Variants in PIP5K1C observed in about 807,000 individuals in gnomAD.
The protein encoded by PIP5K1C is phosphatidylinositol 4-phosphate 5-kinase type-1 gamma.
Under a neutral mutation model 80.1 loss-of-function variants are expected in PIP5K1C, and 45 were observed. The observed-to-expected ratio is 0.56, with a 90% confidence interval of 0.44 to 0.72. The LOEUF is 0.72. PIP5K1C is among the 30% of genes least tolerant of loss of function. The pLI is 0.00. For missense variants in PIP5K1C, 753 were observed against 954.6 expected, an observed-to-expected ratio of 0.79 and a Z score of 2.78; for synonymous variants, 498 against 420.1, an observed-to-expected ratio of 1.19 and a Z score of -2.27.
At position 3,685,784 on chromosome 19, in the gene PIP5K1C, T is replaced by G. The variant is rs371769125; in HGVS notation, c.94+14513A>C. ...TGGCCACACCCATGTGTTCACGAAT[T>G]GTCTGGCTCCTTAAGTGCTACAACC... On this transcript the variant is annotated intron_variant, in intron 1 of 17. Transcript: ENST00000335312. 1.5e-4 allele frequency among the ~76,000 whole-genome samples: 23 copies of G among 152,210 alleles called. No individual in the cohort carries two copies. In the East Asian group the frequency reaches 4.4e-3, roughly 29 times the overall value.
rs748906962 is a variant in PIP5K1C, at chr19:3,653,393, G to A, written c.818C>T (p.Pro273Leu). 1 of 1,613,022 alleles carries A rather than the reference G, an allele frequency of 6.2e-7. No individual in the cohort carries two copies. Among genetic ancestry groups the A allele is most frequent in the South Asian group, 1.1e-5 (1 of 91,090 alleles). Residue 273 changes from proline to leucine, a missense_variant, in exon 7 of 18, where the codon CCC becomes CTC. Physicochemically the swap from Pro to Leu is moderately conservative, Grantham distance 98. Around this residue, in one of 6 missense-constraint regions of PIP5K1C, gnomAD observed 105 missense variants for 133.4 expected, o/e 0.79. Coordinates refer to ENST00000335312, the MANE Select transcript of PIP5K1C (RefSeq NM_012398.3). ...ASKKEKEKSF[P>L]TYKDLDFMQD... ...CATGAAGTCCAGGTCCTTGTAGGTGGGGAAGCTCTTCTCCTTCTCCTTCTT... is the reference window on the plus strand; with the variant it reads ...CATGAAGTCCAGGTCCTTGTAGGTGAGGAAGCTCTTCTCCTTCTCCTTCTT...
intron 1 of PIP5K1C, among the ~76,000 whole-genome samples, chr19:3,671,401 T>C (rs541760156): frequency 6.6e-6 from 1 of 152,306 alleles, no homozygotes; most frequent in South Asian, 2.1e-4. Context: ...CCGTGTTGGG[T>C]GTAGGCCCCC....
chr19:3,682,560 G>A (rs1375148983), intron 1 of PIP5K1C, among the ~76,000 whole-genome samples: 1 of 151,956 alleles, frequency 6.6e-6, no homozygotes, highest in Non-Finnish European at 1.5e-5. Flanking sequence ...GTGGTGACGT[G>A]TGCCTGTAGT....
At chr19:3,645,902 G>T in intron 11 of PIP5K1C, 72 bp downstream of exon 11, 2 of 1,192,130 alleles carry the variant, frequency 1.7e-6, no homozygotes, top group Non-Finnish European at 2.5e-6. Context: ...CTCCCGCAGA[G>T]TCCCTCCTGC....
chr19:3,677,741 TGGGATGGAGGGA>T (rs1354717514), intron 1 of PIP5K1C, among the ~76,000 whole-genome samples: 3 of 57,220 alleles, frequency 5.2e-5, no homozygotes, highest in Admixed American at 3.0e-4. Context: ...GGAAGGATGG[TGGGATGGAGGGA>T]GGGATGGAGG....
chr19:3,637,385 G>A lies in PIP5K1C; in HGVS notation c.1920+1499C>T. The stretch of plus-strand genomic sequence containing the variant: ...CCAGCGCCTGGTCCGGGGCCAGCGT[G>A]GCTGACCTCAATTGCAGCCGTGATT... On this transcript the variant is annotated intron_variant, in intron 16 of 17. Transcript: ENST00000335312. The surrounding 1 kb of genome is among the most constrained non-coding windows in gnomAD (Gnocchi z 7.0). The A allele has an allele frequency of 6.5e-7, 1 of 1,535,520 alleles. No homozygotes were observed. Among genetic ancestry groups the A allele is most frequent in the Non-Finnish European group, 8.7e-7 (1 of 1,146,762 alleles).
At chr19:3,640,466 A>T (rs2033914219) in intron 15 of PIP5K1C, among the ~76,000 whole-genome samples, 1 of 152,200 alleles carries the variant, frequency 6.6e-6, no homozygotes, top group African/African-American at 2.4e-5. Flanking sequence ...CAGTGAGCCG[A>T]AATCGTGCCA....
rs529154599 is a variant in PIP5K1C, at chr19:3,700,427, G to C, written c.-37C>G. On this transcript the variant is annotated 5_prime_UTR_variant, in exon 1 of 18. Transcript: ENST00000335312. Reference sequence around the variant, plus strand: ...GACGGCGGCGGGGGCGCCCGAGGGGGACCCGAGCTGCGACCGCCGCCGCCG... The same window carrying C: ...GACGGCGGCGGGGGCGCCCGAGGGGCACCCGAGCTGCGACCGCCGCCGCCG... 1.5e-5 allele frequency: 16 copies of C among 1,033,560 alleles called. No individual in the cohort carries two copies. Among genetic ancestry groups the C allele is most frequent in the South Asian group, 8.3e-5 (2 of 23,976 alleles). The allele number at this position is 1,033,560 out of a possible 1,614,324, so 64.0% of individuals were successfully genotyped here.
At chr19:3,671,288 C>T (rs1174547481) in intron 1 of PIP5K1C, among the ~76,000 whole-genome samples, 1 of 152,248 alleles carries the variant, frequency 6.6e-6, no homozygotes, top group Admixed American at 6.5e-5. Context: ...GGGTCCACCC[C>T]TGCCCGGACT....
chr19:3,689,807 TCACA>T (rs951556109), intron 1 of PIP5K1C, among the ~76,000 whole-genome samples: 14 of 151,674 alleles, frequency 9.2e-5, no homozygotes, highest in African/African-American at 3.4e-4. Context: ...ACATGCACTC[TCACA>T]CACACAAACT....
chr19:3,655,882 C>G (rs975821337), intron 6 of PIP5K1C, among the ~76,000 whole-genome samples: 1 of 152,210 alleles, frequency 6.6e-6, no homozygotes, highest in Non-Finnish European at 1.5e-5. Context: ...TCCTACTCCC[C>G]CCTCCCGGGG....
At position 3,670,965 on chromosome 19, in the gene PIP5K1C, C is replaced by T. The variant is rs759831334; in HGVS notation, c.95-3612G>A. ...GCCACAAAGGGCCTGCTCTGGGCCGCGGCGGGGCGGAAGGTGCTGGACGCT... is the reference window on the plus strand; with the variant it reads ...GCCACAAAGGGCCTGCTCTGGGCCGTGGCGGGGCGGAAGGTGCTGGACGCT... On this transcript the variant is annotated intron_variant, in intron 1 of 17. Coordinates refer to ENST00000335312, the MANE Select transcript of PIP5K1C (RefSeq NM_012398.3). Among the ~76,000 whole-genome samples, 13 of 152,342 alleles carry T rather than the reference C, an allele frequency of 8.5e-5. No homozygotes were observed. The East Asian group carries it at 1.5e-3, about 18-fold the overall frequency.
intron 1 of PIP5K1C, among the ~76,000 whole-genome samples, chr19:3,699,336 G>T (rs2036224009): frequency 6.8e-6 from 1 of 147,776 alleles, no homozygotes; most frequent in Admixed American, 6.8e-5. Context: ...AAGGCGGGGG[G>T]TGGGGGGGGG....
At chr19:3,699,250 G>A (rs909177544) in intron 1 of PIP5K1C, among the ~76,000 whole-genome samples, 1 of 151,568 alleles carries the variant, frequency 6.6e-6, no homozygotes, top group Non-Finnish European at 1.5e-5. Flanking sequence ...CGAGGCCACT[G>A]GCTCTGGGGA....
intron 1 of PIP5K1C, among the ~76,000 whole-genome samples, chr19:3,691,927 C>T (rs901535216): frequency 1.7e-4 from 26 of 152,174 alleles, no homozygotes; most frequent in Non-Finnish European, 8.8e-5. Context: ...GGCTCATACG[C>T]GCCCACAGGC....
chr19:3,633,263 C>T (rs1212141741), intron 17 of PIP5K1C, 94 bp from the exon 18 acceptor site: 1 of 698,748 alleles, frequency 1.4e-6, no homozygotes, highest in African/African-American at 1.8e-5. Context: ...AACACAGGCC[C>T]TGAGACACTT....
Position 3,653,678 on chromosome 19 carries a change from A to G in PIP5K1C, c.622-89T>C, listed in dbSNP as rs778955332. 174 of 1,243,876 alleles carry G rather than the reference A, an allele frequency of 1.4e-4. 1 individual carries two copies. The highest frequency in any genetic ancestry group is 1.8e-4 in the Non-Finnish European group (164 of 893,850). The allele number at this position is 1,243,876 out of a possible 1,614,324, so 77.1% of individuals were successfully genotyped here. On this transcript the variant is annotated intron_variant, in intron 6 of 17. Coordinates refer to ENST00000335312, the MANE Select transcript of PIP5K1C (RefSeq NM_012398.3). ...AGCAGGCCTCTGCCTCAGGGGGCTC[A>G]TGGATGCCCCTGGCCAGCCCCCCTC...
intron 4 of PIP5K1C, 56 bp downstream of exon 4, chr19:3,661,815 G>C: frequency 6.2e-7 from 1 of 1,600,516 alleles, no homozygotes; most frequent in Non-Finnish European, 8.5e-7. Flanking sequence ...AGGCCACTCC[G>C]CCTCAGAGCC....
intron 5 of PIP5K1C, among the ~76,000 whole-genome samples, chr19:3,657,141 C>A (rs929105960): frequency 6.6e-6 from 1 of 152,200 alleles, no homozygotes; most frequent in African/African-American, 2.4e-5. Flanking sequence ...CCCCTGGCAC[C>A]CCACAGTCCA....
Sources: allele counts gnomAD v4.1 joint callset (sites outside exome capture counted in the v4.1 genomes callset), GRCh38; gene constraint gnomAD v4.1.1; regional missense constraint gnomAD v4.1.1; non-coding constraint Gnocchi (gnomAD v3.1); transcripts MANE v1.5; gene names NCBI Gene and HGNC (gene_info 2026-07-23, HGNC 2026-07-21).